The following GRID2 variants were observed in gnomAD, a reference collection of about 807,000 sequenced individuals.
GRID2 encodes the protein glutamate receptor ionotropic, delta-2.
A neutral mutation model predicts 114.8 loss-of-function variants in GRID2; 33 were observed. The observed-to-expected ratio is 0.29, with a 90% CI of 0.22 to 0.38. GRID2 has a LOEUF of 0.38. Among genes scored for constraint, GRID2 ranks in the 10% least tolerant of loss-of-function variants. The pLI is 1.00. For synonymous variants in GRID2, 505 were observed against 449.9 expected (o/e 1.12, Z -1.55); for missense variants, 1,184 against 1,257.7 (o/e 0.94, Z 0.89).
intron 13 of GRID2, among the ~76,000 whole-genome samples, chr4:93,608,058 ACGTATATAAGTATATATATG>A (rs1449383833): frequency 7.0e-6 from 1 of 143,398 alleles, no homozygotes; most frequent in Non-Finnish European, 1.6e-5. Flanking sequence ...ATATATATAT[ACGTATATAAGTATATATATG>A]CATATATATA....
At chr4:93,664,752 G>A (rs1166051880) in intron 14 of GRID2, among the ~76,000 whole-genome samples, 1 of 152,106 alleles carries the variant, frequency 6.6e-6, no homozygotes, top group Non-Finnish European at 1.5e-5. Flanking sequence ...CCGTTTATTA[G>A]CTGTGAGATC....
At chr4:93,708,308 CTAT>C (rs149631691) in intron 14 of GRID2, among the ~76,000 whole-genome samples, 8,378 of 151,964 alleles carry the variant, frequency 0.055, 747 homozygotes, top group African/African-American at 0.19. Context: ...AAGTCTCCAG[CTAT>C]TATTGTATCA....
At chr4:92,585,624 T>C (rs1042476722) in intron 1 of GRID2, among the ~76,000 whole-genome samples, 2 of 152,008 alleles carry the variant, frequency 1.3e-5, no homozygotes, top group East Asian at 3.9e-4. Flanking sequence ...CTTCCAATAA[T>C]TCTATTCGCT....
intron 2 of GRID2, among the ~76,000 whole-genome samples, chr4:92,692,263 A>G (rs1266259698): frequency 6.6e-6 from 1 of 152,140 alleles, no homozygotes; most frequent in East Asian, 1.9e-4. Context: ...TGGGCTTTGG[A>G]ATATTTCTGC....
intron 2 of GRID2, among the ~76,000 whole-genome samples, chr4:92,739,413 A>T (rs978210428): frequency 6.6e-6 from 1 of 152,180 alleles, no homozygotes; most frequent in African/African-American, 2.4e-5. Context: ...CACACTTTAA[A>T]CATATGAGTA....
At chr4:92,345,195 A>G (rs6812781) in intron 1 of GRID2, among the ~76,000 whole-genome samples, 15,389 of 151,930 alleles carry the variant, frequency 0.1, 1,899 homozygotes, top group African/African-American at 0.29. Flanking sequence ...CTCTTATAAG[A>G]GAGAACATGT....
chr4:93,126,680 C>T (rs1238456662), intron 4 of GRID2, among the ~76,000 whole-genome samples: 2 of 134,516 alleles, frequency 1.5e-5, no homozygotes, highest in East Asian at 2.3e-4. Flanking sequence ...TCACTGCAAG[C>T]TCCGCCTCCC....
intron 2 of GRID2, among the ~76,000 whole-genome samples, chr4:92,748,218 T>C (rs913559896): frequency 5.3e-5 from 8 of 152,118 alleles, no homozygotes; most frequent in Admixed American, 2.0e-4. Flanking sequence ...ATTAGAAAAA[T>C]ATAACAGCTA....
chr4:92,595,866 CTAAA>C (rs761971414), intron 2 of GRID2, among the ~76,000 whole-genome samples: 16 of 152,088 alleles, frequency 1.1e-4, no homozygotes, highest in Non-Finnish European at 2.1e-4. Context: ...TTGATTAAAT[CTAAA>C]TAGTCTAGTC....
At chr4:93,034,119 T>A (rs1334638651) in intron 2 of GRID2, among the ~76,000 whole-genome samples, 1 of 152,200 alleles carries the variant, frequency 6.6e-6, no homozygotes, top group Admixed American at 6.5e-5. Flanking sequence ...TGAGTGAGTC[T>A]GCCGGGCTAC....
At chr4:92,597,832 C>T (rs1300097939) in intron 2 of GRID2, among the ~76,000 whole-genome samples, 2 of 152,122 alleles carry the variant, frequency 1.3e-5, no homozygotes, top group Admixed American at 6.6e-5. Flanking sequence ...TACCTACACT[C>T]GCAGTTGTAA....
At chr4:93,554,431 A>T (rs1250555738) in intron 13 of GRID2, among the ~76,000 whole-genome samples, 2 of 151,686 alleles carry the variant, frequency 1.3e-5, no homozygotes, top group Admixed American at 1.3e-4. Flanking sequence ...CTGCACATAA[A>T]TTTTTTTATT....
At chr4:92,421,892 G>C (rs1332424632) in intron 1 of GRID2, among the ~76,000 whole-genome samples, 1 of 152,104 alleles carries the variant, frequency 6.6e-6, no homozygotes, top group Non-Finnish European at 1.5e-5. Context: ...GGATTCAGTG[G>C]TGAAAAGACA....
At chr4:93,527,108 T>G (rs947141910) in intron 13 of GRID2, among the ~76,000 whole-genome samples, 1 of 152,272 alleles carries the variant, frequency 6.6e-6, no homozygotes, top group African/African-American at 2.4e-5. Flanking sequence ...CTGATTTATG[T>G]GTTCAGTGTT....
At chr4:92,967,616 A>C in intron 2 of GRID2, among the ~76,000 whole-genome samples, 1 of 151,932 alleles carries the variant, frequency 6.6e-6, no homozygotes, top group East Asian at 1.9e-4. Context: ...ATCTCTCCTG[A>C]AGCATTTCGT....
intron 2 of GRID2, among the ~76,000 whole-genome samples, chr4:92,958,570 CTA>C (rs1190134844): frequency 5.3e-5 from 8 of 152,138 alleles, no homozygotes; most frequent in Admixed American, 2.0e-4. Context: ...ATTTGATTTG[CTA>C]ATATTTTGTT....
At chr4:93,069,589 C>T (rs1728632416) in intron 2 of GRID2, among the ~76,000 whole-genome samples, 1 of 151,946 alleles carries the variant, frequency 6.6e-6, no homozygotes, top group African/African-American at 2.4e-5. Flanking sequence ...ACAGAATTTT[C>T]TCAGGTCAAA....
intron 2 of GRID2, among the ~76,000 whole-genome samples, chr4:92,671,829 T>A (rs897006641): frequency 2.6e-5 from 4 of 152,272 alleles, no homozygotes; most frequent in Non-Finnish European, 4.4e-5. Flanking sequence ...ATGAGTCATA[T>A]CAGTTCTCAG....
At chr4:93,428,281 A>G (rs1192025352) in intron 10 of GRID2, among the ~76,000 whole-genome samples, 2 of 152,140 alleles carry the variant, frequency 1.3e-5, no homozygotes, top group South Asian at 2.1e-4. Flanking sequence ...AGATTTCTAT[A>G]AAGTAAAAAA....
Sources: allele counts gnomAD v4.1 joint callset (sites outside exome capture counted in the v4.1 genomes callset), GRCh38; gene constraint gnomAD v4.1.1; transcripts MANE v1.5; gene names NCBI Gene and HGNC (gene_info 2026-07-23, HGNC 2026-07-21).